Variants in CD47 observed in about 807,000 individuals in gnomAD.
CD47 encodes the protein CD47 molecule.
CD47 carries 11 observed loss-of-function variants against 44.6 expected under a neutral mutation model. That is an observed-to-expected ratio of 0.25 (90% CI 0.16 to 0.41). CD47 has a LOEUF of 0.41. CD47 is among the 10% of genes least tolerant of loss of function. The probability of loss-of-function intolerance (pLI) is 1.00; values close to 1 mark genes in which losing one functional copy is unlikely to be tolerated. For missense variants in CD47, 306 were observed against 386.7 expected, an observed-to-expected ratio of 0.79 and a Z score of 1.75; for synonymous variants, 140 against 136.3, an observed-to-expected ratio of 1.03 and a Z score of -0.19.
chr3:108,080,611 T>C (rs1426616188), intron 1 of CD47, among the ~76,000 whole-genome samples: 1 of 151,938 alleles, frequency 6.6e-6, no homozygotes, highest in Non-Finnish European at 1.5e-5. Flanking sequence ...TGGGAATAAA[T>C]TCAGCAACTA....
At chr3:108,073,638 G>A (rs2079252059) in intron 2 of CD47, among the ~76,000 whole-genome samples, 1 of 152,182 alleles carries the variant, frequency 6.6e-6, no homozygotes, top group South Asian at 2.1e-4. Context: ...GTTTGCTGGG[G>A]CAAGACCATG....
At chr3:108,072,384 G>A (rs1236940528) in intron 2 of CD47, among the ~76,000 whole-genome samples, 7 of 152,290 alleles carry the variant, frequency 4.6e-5, no homozygotes, top group African/African-American at 1.4e-4. Context: ...AGCTTATAAT[G>A]CTATAATAAG....
chr3:108,049,797 C>A, intron 9 of CD47, 146 bp from the exon 10 acceptor site: 1 of 661,182 alleles, frequency 1.5e-6, no homozygotes, highest in Admixed American at 2.5e-5. Context: ...CATTATGTAG[C>A]CTTTCTGTGG....
chr3:108,071,617 G>A (rs1251786616), intron 2 of CD47, among the ~76,000 whole-genome samples: 1 of 152,134 alleles, frequency 6.6e-6, no homozygotes, highest in Admixed American at 6.5e-5. Flanking sequence ...AAGGACTGTT[G>A]TAACTATTAA....
Position 108,090,961 on chromosome 3 carries a change from G to C in CD47, c.-53C>G, listed in dbSNP as rs2108280955. The C allele has an allele frequency of 7.9e-7, 1 of 1,262,054 alleles. No homozygotes were observed. Among genetic ancestry groups the C allele is most frequent in the South Asian group, 1.6e-5 (1 of 64,458 alleles). The allele number at this position is 1,262,054 out of a possible 1,614,324, so 78.2% of individuals were successfully genotyped here. On this transcript the variant is annotated 5_prime_UTR_variant, in exon 1 of 11. Coordinates refer to ENST00000361309, the MANE Select transcript of CD47 (RefSeq NM_001777.4). Reference sequence around the variant, plus strand: ...GCCGCCGCAGGTGTCCGGAGCAGCAGCCGCCGCCGCCGTTACAGGCAGGAC... The same window carrying C: ...GCCGCCGCAGGTGTCCGGAGCAGCACCCGCCGCCGCCGTTACAGGCAGGAC...
At chr3:108,059,645 C>A (rs1369585722) in intron 4 of CD47, 101 bp from the exon 5 acceptor site, 18 of 510,668 alleles carry the variant, frequency 3.5e-5, no homozygotes, top group Non-Finnish European at 5.3e-5. Flanking sequence ...TAAAAATATA[C>A]GTTTCCCTGA....
intron 7 of CD47, chr3:108,053,565 A>T (rs1198064273): frequency 6.6e-6 from 1 of 152,380 alleles, no homozygotes; most frequent in African/African-American, 2.4e-5. Flanking sequence ...AGAGGAACTC[A>T]GGAACTATAA....
At chr3:108,062,112 T>C (rs959291154) in intron 3 of CD47, among the ~76,000 whole-genome samples, 3 of 152,036 alleles carry the variant, frequency 2.0e-5, no homozygotes, top group Admixed American at 6.6e-5. Flanking sequence ...AGTTACACAG[T>C]TGAGTAACTG....
intron 2 of CD47, 51 bp from the exon 3 acceptor site, chr3:108,071,233 A>G (rs2079195207): frequency 1.2e-6 from 1 of 825,020 alleles, no homozygotes; most frequent in Non-Finnish European, 1.9e-6. Flanking sequence ...ATAACACTTT[A>G]AATTCTGCTA....
At chr3:108,056,251 T>C (rs898841398) in intron 7 of CD47, among the ~76,000 whole-genome samples, 4 of 152,232 alleles carry the variant, frequency 2.6e-5, no homozygotes, top group African/African-American at 4.8e-5. Flanking sequence ...TATGGCATTA[T>C]GTGGTATAAA....
At chr3:108,085,854 A>G (rs551303708) in intron 1 of CD47, among the ~76,000 whole-genome samples, 1 of 152,182 alleles carries the variant, frequency 6.6e-6, no homozygotes, top group Non-Finnish European at 1.5e-5. Context: ...GTATTTCAAG[A>G]GAACCTGCCA....
chr3:108,090,818 GC>G, intron 1 of CD47, 44 bp downstream of exon 1: 1 of 1,456,246 alleles, frequency 6.9e-7, no homozygotes, highest in Non-Finnish European at 9.0e-7. Context: ...GCCCGCGGGG[GC>G]GAAGCGACAG....
intron 7 of CD47, among the ~76,000 whole-genome samples, chr3:108,056,135 T>C (rs190225362): frequency 2.0e-5 from 3 of 152,302 alleles, no homozygotes; most frequent in Admixed American, 1.3e-4. Context: ...ACCAGACACA[T>C]GGTGATTGGA....
intron 3 of CD47, among the ~76,000 whole-genome samples, chr3:108,061,568 T>C (rs1404736891): frequency 6.6e-6 from 1 of 152,212 alleles, no homozygotes; most frequent in Non-Finnish European, 1.5e-5. Context: ...ATGGGATTCA[T>C]CATACATGTT....
chr3:108,084,000 G>A (rs2079468543), intron 1 of CD47, among the ~76,000 whole-genome samples: 1 of 149,600 alleles, frequency 6.7e-6, no homozygotes, highest in Non-Finnish European at 1.5e-5. Context: ...ACTTTCCTTA[G>A]TTGATTATCA....
At chr3:108,048,103 C>T (rs1312182522) in intron 10 of CD47, among the ~76,000 whole-genome samples, 2 of 151,904 alleles carry the variant, frequency 1.3e-5, no homozygotes, top group East Asian at 3.9e-4. Context: ...CATGAACAAA[C>T]CATGCCACAA....
chr3:108,075,770 AAG>A (rs748338488), intron 2 of CD47, among the ~76,000 whole-genome samples: 3 of 152,230 alleles, frequency 2.0e-5, no homozygotes, highest in Non-Finnish European at 2.9e-5. Flanking sequence ...GACTTTAAGA[AAG>A]AGAGATTATT....
In CD47 at chr3:108,060,835, C is replaced by T. The variant is rs781473227; in HGVS notation, c.508G>A (p.Gly170Ser). The T allele has an allele frequency of 5.0e-6, 8 of 1,609,118 alleles. No individual in the cohort carries two copies. Among genetic ancestry groups the T allele is most frequent in the African/African-American group, 2.7e-5 (2 of 74,752 alleles). ...FGIKTLKYRS[G>S]GMDEKTIALL... The stretch of plus-strand genomic sequence containing the variant: ...GCAATTGTTTTCTCATCCATACCAC[C>T]GGATCTATATTTAAGTGCTTAAAAA... Residue 170 changes from glycine (G) to serine (S), a missense_variant, in exon 4 of 11, where the codon GGT becomes AGT. This residue lies in a region of CD47 where 65 missense variants were observed against 119.9 expected (regional missense o/e 0.54). Coordinates refer to ENST00000361309, the MANE Select transcript of CD47 (RefSeq NM_001777.4).
intron 1 of CD47, among the ~76,000 whole-genome samples, chr3:108,084,848 T>C (rs140306335): frequency 6.6e-6 from 1 of 152,020 alleles, no homozygotes; most frequent in East Asian, 1.9e-4. Context: ...ATGAATGAAT[T>C]AGACACTCAT....
Sources: allele counts gnomAD v4.1 joint callset (sites outside exome capture counted in the v4.1 genomes callset), GRCh38; gene constraint gnomAD v4.1.1; regional missense constraint gnomAD v4.1.1; transcripts MANE v1.5; gene names NCBI Gene and HGNC (gene_info 2026-07-23, HGNC 2026-07-21).